The following KLHL13 variants were observed in gnomAD, a reference collection of about 807,000 sequenced individuals.
KLHL13 encodes the protein kelch like family member 13.
KLHL13 carries 10 observed loss-of-function variants against 37.1 expected under a neutral mutation model. That is an observed-to-expected ratio of 0.27 (90% CI 0.17 to 0.46). The LOEUF (loss-of-function observed/expected upper bound fraction) is 0.46, where lower values mean the gene tolerates loss of function less well. KLHL13 is among the 20% of genes least tolerant of loss of function. KLHL13 has a pLI of 1.00. For synonymous variants in KLHL13, 163 were observed against 181.2 expected (o/e 0.90, Z 0.81); for missense variants, 360 against 509.3 (o/e 0.71, Z 2.82).
At chrX:118,048,644 T>C (rs2054584149) in intron 1 of KLHL13, among the ~76,000 whole-genome samples, 1 of 112,060 alleles carries the variant, frequency 8.9e-6, no homozygotes, top group South Asian at 3.7e-4. Context: ...GTCGGGACTA[T>C]GTAGATGTGC....
chrX:118,027,646 C>CAT (rs1403536130), intron 1 of KLHL13, among the ~76,000 whole-genome samples: 1 of 101,972 alleles, frequency 9.8e-6, no homozygotes, highest in Admixed American at 1.1e-4. Context: ...TCTCTCCACA[C>CAT]ATACACACAC....
intron 1 of KLHL13, among the ~76,000 whole-genome samples, chrX:118,093,959 C>T (rs756531793): frequency 1.9e-4 from 21 of 109,117 alleles, no homozygotes; most frequent in Non-Finnish European, 3.2e-4. Context: ...ACACAGAAGA[C>T]GGGTAATTTC....
At chrX:117,986,219 C>T (rs369297774) in intron 1 of KLHL13, among the ~76,000 whole-genome samples, 59 of 111,237 alleles carry the variant, frequency 5.3e-4, no homozygotes, top group African/African-American at 1.7e-3. Flanking sequence ...ACAAAAATTC[C>T]GTTGCAACTG....
chrX:117,987,494 T>C, intron 1 of KLHL13, among the ~76,000 whole-genome samples: 1 of 111,580 alleles, frequency 9.0e-6, no homozygotes, highest in Non-Finnish European at 1.9e-5. Context: ...TATTTAGTAT[T>C]CTCTCTCTGT....
chrX:118,003,266 C>T (rs1162770082), intron 1 of KLHL13, among the ~76,000 whole-genome samples: 1 of 112,006 alleles, frequency 8.9e-6, no homozygotes, highest in Non-Finnish European at 1.9e-5. Context: ...CCTGTAATCC[C>T]AACACTTTGG....
intron 1 of KLHL13, among the ~76,000 whole-genome samples, chrX:117,999,374 T>A (rs1455258696): frequency 2.7e-5 from 3 of 111,281 alleles, no homozygotes; most frequent in African/African-American, 9.8e-5. Flanking sequence ...TAAAAAAGGA[T>A]GAGTTCATGT....
At chrX:117,941,776 A>G (rs1933047923) in intron 2 of KLHL13, among the ~76,000 whole-genome samples, 1 of 111,439 alleles carries the variant, frequency 9.0e-6, no homozygotes, top group Admixed American at 9.5e-5. Context: ...GATCTTTTCA[A>G]AAAACCAGCT....
At chrX:118,087,004 T>A (rs2055061856) in intron 1 of KLHL13, among the ~76,000 whole-genome samples, 1 of 111,524 alleles carries the variant, frequency 9.0e-6, no homozygotes, top group African/African-American at 3.3e-5. Context: ...TTTTTACTGC[T>A]AGACATGACA....
chrX:117,967,537 T>C (rs960581817), intron 1 of KLHL13, among the ~76,000 whole-genome samples: 7 of 111,634 alleles, frequency 6.3e-5, no homozygotes, highest in Non-Finnish European at 1.3e-4. Flanking sequence ...ATTCTGCCTC[T>C]CTTCCCTCTG....
chrX:118,094,591 G>C (rs759335225), intron 1 of KLHL13, among the ~76,000 whole-genome samples: 3 of 109,995 alleles, frequency 2.7e-5, no homozygotes, highest in Admixed American at 9.7e-5. Flanking sequence ...ATAATTGTCA[G>C]ATTCACCAAA....
At chrX:118,096,141 C>A (rs9988280) in intron 1 of KLHL13, among the ~76,000 whole-genome samples, 3,160 of 111,324 alleles carry the variant, frequency 0.028, 107 homozygotes, top group African/African-American at 0.097. Context: ...AATCCAGGAG[C>A]TGGTTTTTTG....
chrX:117,961,395 C>T (rs913379989), intron 1 of KLHL13, among the ~76,000 whole-genome samples: 2 of 112,046 alleles, frequency 1.8e-5, no homozygotes, highest in African/African-American at 6.5e-5. Context: ...CTTTCTACAA[C>T]GCATGTGTAA....
chrX:117,899,535 C>G (rs1929953962), intron 6 of KLHL13, 140 bp from the exon 8 acceptor site: 1 of 426,709 alleles, frequency 2.3e-6, no homozygotes. Flanking sequence ...TGTCTTCCCT[C>G]TATAAATACA....
At chrX:118,031,998 C>T (rs961096343) in intron 1 of KLHL13, among the ~76,000 whole-genome samples, 6 of 110,816 alleles carry the variant, frequency 5.4e-5, no homozygotes, top group Non-Finnish European at 1.1e-4. Context: ...CCTAGAAAAT[C>T]GCATCACTCC....
chrX:117,919,829 G>A (rs1931594504), intron 3 of KLHL13, 112 bp from the exon 5 acceptor site: 2 of 547,067 alleles, frequency 3.7e-6, no homozygotes, highest in Non-Finnish European at 5.9e-6. Context: ...TATATAAGCA[G>A]TCATATTAGA....
intron 4 of KLHL13, among the ~76,000 whole-genome samples, chrX:117,910,680 G>C (rs1017002511): frequency 2.7e-5 from 3 of 111,245 alleles, no homozygotes; most frequent in African/African-American, 9.8e-5. Flanking sequence ...ATTATCCCTA[G>C]GGCAAATTAA....
chrX:118,082,640 T>G (rs1303541172), intron 1 of KLHL13, among the ~76,000 whole-genome samples: 1 of 111,612 alleles, frequency 9.0e-6, no homozygotes, highest in African/African-American at 3.2e-5. Context: ...GCTTATGTTG[T>G]CTATGCTTTT....
chrX:118,004,568 GA>G (rs1325215632), intron 1 of KLHL13, among the ~76,000 whole-genome samples: 1 of 111,822 alleles, frequency 8.9e-6, no homozygotes, highest in African/African-American at 3.3e-5. Flanking sequence ...ATACAAATAT[GA>G]GACCATTTGG....
At chrX:117,900,028 T>C (rs1485075603) in intron 6 of KLHL13, among the ~76,000 whole-genome samples, 3 of 112,503 alleles carry the variant, frequency 2.7e-5, no homozygotes, top group Non-Finnish European at 5.6e-5. Flanking sequence ...CTTATCAGAA[T>C]GCATATTTAA....
Sources: gnomAD v4.1 joint callset for allele counts (sites outside exome capture counted in the v4.1 genomes callset) on GRCh38, gnomAD v4.1.1 for gene constraint, MANE v1.5 for transcripts, NCBI Gene and HGNC (gene_info 2026-07-23, HGNC 2026-07-21) for gene names.